The following CDH18 variants were observed in gnomAD, a reference collection of about 807,000 sequenced individuals.
The protein encoded by CDH18 is cadherin-18.
A neutral mutation model predicts 67.9 loss-of-function variants in CDH18; 31 were observed. That is an observed-to-expected ratio of 0.46 (90% confidence interval 0.34 to 0.62). The LOEUF (loss-of-function observed/expected upper bound fraction) is 0.62. Ranked by LOEUF, CDH18 falls within the 20% of genes least tolerant of loss-of-function variation. The pLI, the probability that CDH18 is intolerant of heterozygous loss-of-function variation, is 0.01. For missense variants in CDH18, 890 were observed against 975.5 expected, an observed-to-expected ratio of 0.91 and a Z score of 1.17; for synonymous variants, 362 against 347.2, an observed-to-expected ratio of 1.04 and a Z score of -0.48.
At chr5:20,178,326 T>C (rs1737400101) in intron 2 of CDH18, among the ~76,000 whole-genome samples, 1 of 151,928 alleles carries the variant, frequency 6.6e-6, no homozygotes, top group Non-Finnish European at 1.5e-5. Context: ...AAATCTCTCT[T>C]TCTTTTTATC....
chr5:19,850,321 C>T (rs1783542608), intron 2 of CDH18, among the ~76,000 whole-genome samples: 1 of 151,712 alleles, frequency 6.6e-6, no homozygotes, highest in Non-Finnish European at 1.5e-5. Flanking sequence ...AAATTTAATA[C>T]CTTTTATTAA....
chr5:20,071,625 TAA>T (rs1171482652), intron 2 of CDH18, among the ~76,000 whole-genome samples: 1 of 152,084 alleles, frequency 6.6e-6, no homozygotes, highest in Admixed American at 6.6e-5. Flanking sequence ...TTATTAATAT[TAA>T]GTTAAAAATT....
At chr5:19,884,001 T>C (rs1787934490) in intron 2 of CDH18, among the ~76,000 whole-genome samples, 1 of 152,176 alleles carries the variant, frequency 6.6e-6, no homozygotes, top group Non-Finnish European at 1.5e-5. Context: ...TTATATCTTT[T>C]TAATGTGTGA....
intron 1 of CDH18, among the ~76,000 whole-genome samples, chr5:20,566,938 C>T (rs539018020): frequency 6.6e-6 from 1 of 152,238 alleles, no homozygotes; most frequent in South Asian, 2.1e-4. Context: ...ACTTGTACTC[C>T]AATTACCATT....
At chr5:19,706,612 G>A (rs190562855) in intron 5 of CDH18, among the ~76,000 whole-genome samples, 22 of 152,292 alleles carry the variant, frequency 1.4e-4, no homozygotes, top group Non-Finnish European at 2.4e-4. Context: ...TGCCAATCAG[G>A]ACAGTCTTCT....
At chr5:20,393,325 A>T (rs1441460939) in intron 1 of CDH18, among the ~76,000 whole-genome samples, 1 of 151,952 alleles carries the variant, frequency 6.6e-6, no homozygotes. Context: ...ACATTTTAGA[A>T]GCATATATAT....
intron 1 of CDH18, among the ~76,000 whole-genome samples, chr5:20,352,308 C>A (rs1741246276): frequency 6.6e-6 from 1 of 151,848 alleles, no homozygotes; most frequent in Non-Finnish European, 1.5e-5. Flanking sequence ...CTTTTCTTAT[C>A]ATTTTCTTAA....
At chr5:19,564,718 C>T (rs971375702) in intron 8 of CDH18, among the ~76,000 whole-genome samples, 1 of 152,062 alleles carries the variant, frequency 6.6e-6, no homozygotes, top group South Asian at 2.1e-4. Flanking sequence ...AGCTTGGATA[C>T]CAGCTTGACC....
intron 8 of CDH18, among the ~76,000 whole-genome samples, chr5:19,570,065 C>T (rs778444946): frequency 2.6e-5 from 4 of 151,924 alleles, no homozygotes; most frequent in Non-Finnish European, 5.9e-5. Context: ...ATATTGGGTG[C>T]TTTTGGTAAA....
chr5:20,513,777 GAATT>G (rs67254135), intron 1 of CDH18, among the ~76,000 whole-genome samples: 72,692 of 151,318 alleles, frequency 0.48, 17,547 homozygotes, highest in East Asian at 0.57. Flanking sequence ...TTATTTTGGG[GAATT>G]AATTTGAATG....
At chr5:20,341,799 G>A (rs1740286484) in intron 1 of CDH18, among the ~76,000 whole-genome samples, 1 of 151,716 alleles carries the variant, frequency 6.6e-6, no homozygotes, top group South Asian at 2.1e-4. Context: ...TCCTTGATGT[G>A]AACTGTTTAG....
Position 20,132,914 on chromosome 5 carries a change from C to G in CDH18, c.-518+122530G>C, listed in dbSNP as rs1205764397. 2.6e-5 allele frequency among the ~76,000 whole-genome samples: 4 copies of G among 152,180 alleles called. No homozygotes were observed. The East Asian group carries it at 7.8e-4, about 30-fold the overall frequency. ...TTATTCCTTCTCTACTTATCTTTCTCTTTATGCAGAACTTTTTTTTATTAC... is the reference window on the plus strand; with the variant it reads ...TTATTCCTTCTCTACTTATCTTTCTGTTTATGCAGAACTTTTTTTTATTAC... On this transcript the variant is annotated intron_variant, in intron 2 of 14. Coordinates refer to the CDH18 transcript ENST00000507958.
At chr5:20,124,880 A>G (rs944003821) in intron 2 of CDH18, among the ~76,000 whole-genome samples, 15 of 152,164 alleles carry the variant, frequency 9.9e-5, no homozygotes, top group African/African-American at 3.6e-4. Context: ...TACATGACTT[A>G]AAGAAGTATT....
chr5:19,599,089 C>A (rs1746641947), intron 6 of CDH18, among the ~76,000 whole-genome samples: 6 of 152,008 alleles, frequency 3.9e-5, no homozygotes, highest in Admixed American at 3.9e-4. Flanking sequence ...GTAGTGATAT[C>A]ATATTTAGTA....
At position 19,544,147 on chromosome 5, in the gene CDH18, T is replaced by C. The variant is rs138839136; in HGVS notation, c.1254-142A>G. ...ATTTGATTACATGGCAACTTTATATTTTTATAGAACTTATATCAATTATTC... is the reference window on the plus strand; with the variant it reads ...ATTTGATTACATGGCAACTTTATATCTTTATAGAACTTATATCAATTATTC... On this transcript the variant is annotated intron_variant, in intron 8 of 12. Coordinates refer to ENST00000382275, the MANE Select transcript of CDH18 (RefSeq NM_004934.5). 2.7e-3 allele frequency: 1,127 copies of C among 411,588 alleles called. 13 individuals carry two copies. Among genetic ancestry groups the C allele is most frequent in the African/African-American group, 0.021 (1,025 of 49,680 alleles). 25.5% of individuals were successfully genotyped at this position (411,588 alleles called of 1,614,324 possible).
intron 3 of CDH18, among the ~76,000 whole-genome samples, chr5:19,827,529 T>C (rs1394239958): frequency 6.6e-6 from 1 of 152,064 alleles, no homozygotes; most frequent in Non-Finnish European, 1.5e-5. Flanking sequence ...GCTGAAATCA[T>C]ACCAAACATA....
At chr5:19,623,507 T>A (rs2387967) in intron 5 of CDH18, among the ~76,000 whole-genome samples, 98,286 of 151,958 alleles carry the variant, frequency 0.65, 32,313 homozygotes, top group South Asian at 0.76. Flanking sequence ...TGTGCTCAAA[T>A]TGCAAACCCA....
At chr5:19,878,064 G>T (rs1046023230) in intron 2 of CDH18, 17 of 152,092 alleles carry the variant, frequency 1.1e-4, no homozygotes, top group African/African-American at 3.9e-4. Flanking sequence ...AGAACCAAGG[G>T]TTCAATATGT....
At chr5:20,164,183 A>C (rs559947654) in intron 2 of CDH18, among the ~76,000 whole-genome samples, 76 of 152,236 alleles carry the variant, frequency 5.0e-4, no homozygotes, top group Non-Finnish European at 1.0e-3. Flanking sequence ...CAGTGAGAAG[A>C]AAACAATAAT....
Sources: gnomAD v4.1 joint callset for allele counts (sites outside exome capture counted in the v4.1 genomes callset) on GRCh38, gnomAD v4.1.1 for gene constraint, MANE v1.5 for transcripts, NCBI Gene and HGNC (gene_info 2026-07-23, HGNC 2026-07-21) for gene names.